MMP16: variants seen among roughly 807,000 people sequenced by gnomAD.
MMP16 encodes the protein matrix metallopeptidase 16.
MMP16 carries 12 observed loss-of-function variants against 67.8 expected under a neutral mutation model. That is an observed-to-expected ratio of 0.18 (90% confidence interval 0.11 to 0.29). The LOEUF is 0.29. Among genes scored for constraint, MMP16 ranks in the 10% least tolerant of loss-of-function variants. The pLI is 1.00. For missense variants in MMP16, 475 were observed against 765.7 expected (o/e 0.62, Z 4.48); for synonymous variants, 249 against 255.9 (o/e 0.97, Z 0.26).
chr8:88,074,670 C>G lies in MMP16; in HGVS notation c.1157G>C (p.Arg386Pro). The G allele has an allele frequency of 6.2e-7, 1 of 1,613,684 alleles. No individual in the cohort carries two copies. The highest frequency in any genetic ancestry group is 1.1e-5 in the South Asian group (1 of 91,070). Reference sequence around the variant, plus strand: ...TGCATCGATACTAGGAGGCAAGCCCCGCCAGAAGTAAGTAATTTGCATTGG... The same window carrying G: ...TGCATCGATACTAGGAGGCAAGCCCGGCCAGAAGTAAGTAATTTGCATTGG... ...GYPMQITYFWRGLPPSIDAVY... is the reference protein window; with the variant it reads ...GYPMQITYFWPGLPPSIDAVY... Residue 386 changes from arginine to proline, a missense_variant, in exon 7 of 10, where the codon CGG becomes CCG. Arg to Pro is a moderately radical substitution (Grantham distance 103). Around this residue, in one of 5 missense-constraint regions of MMP16, gnomAD observed 195 missense variants for 300.9 expected, o/e 0.65. Coordinates refer to ENST00000286614, the MANE Select transcript of MMP16 (RefSeq NM_005941.5).
chr8:88,198,658 A>C (rs2129785030), intron 1 of MMP16, among the ~76,000 whole-genome samples: 1 of 152,192 alleles, frequency 6.6e-6, no homozygotes, highest in Middle Eastern at 3.4e-3. Flanking sequence ...TGGTATTTCC[A>C]AAAACTGACC....
rs189006120 is a variant in MMP16, at chr8:88,181,458, T to C, written c.404+5018A>G. Among the ~76,000 whole-genome samples the C allele has an allele frequency of 5.3e-5, 8 of 151,950 alleles. No individual in the cohort carries two copies. In the East Asian group the frequency reaches 1.5e-3, roughly 29 times the overall value. ...ATTAGCACCAGAAAAGTAAAATACT[T>C]AGAAATAAATCTATCAAAATATGCA... On this transcript the variant is annotated intron_variant, in intron 3 of 9. Transcript: ENST00000286614.
chr8:88,141,649 A>C (rs1179487801), intron 4 of MMP16, among the ~76,000 whole-genome samples: 1 of 152,208 alleles, frequency 6.6e-6, no homozygotes, highest in African/African-American at 2.4e-5. Context: ...TATGGCACTT[A>C]ACAGAATTTG....
intron 1 of MMP16, among the ~76,000 whole-genome samples, chr8:88,285,986 TTAC>T (rs1810824535): frequency 6.6e-6 from 1 of 152,212 alleles, no homozygotes; most frequent in Non-Finnish European, 1.5e-5. Context: ...CACTAACCTC[TTAC>T]TCCTAACCCA....
At chr8:88,186,624 AAAGC>A (rs1809078804) in intron 2 of MMP16, 26 bp from the exon 3 acceptor site, 2 of 1,531,876 alleles carry the variant, frequency 1.3e-6, no homozygotes, top group South Asian at 2.5e-5. Flanking sequence ...AAAAAAAAAA[AAAGC>A]AGTATTTTCC....
At chr8:88,211,070 G>C (rs1031537469) in intron 1 of MMP16, among the ~76,000 whole-genome samples, 2 of 152,062 alleles carry the variant, frequency 1.3e-5, no homozygotes, top group African/African-American at 4.8e-5. Flanking sequence ...TTGTAACTTT[G>C]AAACAGCTCT....
chr8:88,154,957 C>G (rs146214298), intron 4 of MMP16, among the ~76,000 whole-genome samples: 49 of 151,278 alleles, frequency 3.2e-4, no homozygotes, highest in African/African-American at 7.7e-4. Context: ...CAGTATAGAT[C>G]ATTAATATTT....
chr8:88,294,463 T>C (rs1445602409), intron 1 of MMP16, among the ~76,000 whole-genome samples: 4 of 151,510 alleles, frequency 2.6e-5, no homozygotes, highest in African/African-American at 9.7e-5. Context: ...TATGCATGTC[T>C]CTGTACACAC....
chr8:88,105,606 T>G (rs1809224040), intron 6 of MMP16, among the ~76,000 whole-genome samples: 1 of 151,432 alleles, frequency 6.6e-6, no homozygotes, highest in African/African-American at 2.4e-5. Flanking sequence ...TGCCCCACCA[T>G]CTCCCTGTCA....
At chr8:88,105,785 G>C (rs988673468) in intron 6 of MMP16, among the ~76,000 whole-genome samples, 8 of 151,122 alleles carry the variant, frequency 5.3e-5, no homozygotes, top group African/African-American at 1.2e-4. Context: ...TAAAGACACA[G>C]ATGCATCATT....
At chr8:88,207,464 G>A (rs756921623) in intron 1 of MMP16, among the ~76,000 whole-genome samples, 1 of 152,098 alleles carries the variant, frequency 6.6e-6, no homozygotes, top group Non-Finnish European at 1.5e-5. Context: ...CAGTTCTCAC[G>A]TATTTTTATT....
At chr8:88,290,624 C>A (rs1160308560) in intron 1 of MMP16, among the ~76,000 whole-genome samples, 1 of 152,090 alleles carries the variant, frequency 6.6e-6, no homozygotes, top group South Asian at 2.1e-4. Context: ...GTTGCCTAAG[C>A]TGGAGTGCAG....
chr8:88,082,140 T>C (rs1285938117), intron 6 of MMP16, among the ~76,000 whole-genome samples: 2 of 151,802 alleles, frequency 1.3e-5, no homozygotes, highest in Non-Finnish European at 2.9e-5. Flanking sequence ...ACGTGAACAG[T>C]TTATACAAAC....
At chr8:88,082,473 A>C (rs1808768082) in intron 6 of MMP16, among the ~76,000 whole-genome samples, 1 of 152,156 alleles carries the variant, frequency 6.6e-6, no homozygotes, top group Non-Finnish European at 1.5e-5. Flanking sequence ...AATACATTAC[A>C]AAATCATATG....
intron 8 of MMP16, among the ~76,000 whole-genome samples, chr8:88,048,005 TGA>T (rs2118203575): frequency 6.6e-6 from 1 of 152,192 alleles, no homozygotes; most frequent in East Asian, 1.9e-4. Context: ...ATGTGGGATG[TGA>T]AAGAGAAGGA....
chr8:88,217,801 G>A (rs1336899390), intron 1 of MMP16, among the ~76,000 whole-genome samples: 1 of 151,934 alleles, frequency 6.6e-6, no homozygotes. Context: ...TAACATATTT[G>A]AACATTACAT....
At chr8:88,046,611 G>T in intron 9 of MMP16, 58 bp downstream of exon 9, 1 of 1,079,628 alleles carries the variant, frequency 9.3e-7, no homozygotes, top group Non-Finnish European at 1.4e-6. Context: ...GAGTGAAAAA[G>T]CCTAATGTGT....
intron 2 of MMP16, 67 bp downstream of exon 2, chr8:88,197,089 TAA>T (rs1239821889): frequency 6.7e-7 from 1 of 1,485,904 alleles, no homozygotes; most frequent in African/African-American, 1.4e-5. Flanking sequence ...GGAGTTCATA[TAA>T]AGTTTTCCAG....
At chr8:88,069,343 T>C (rs1430791283) in intron 7 of MMP16, 1 of 404,604 alleles carries the variant, frequency 2.5e-6, no homozygotes, top group South Asian at 1.9e-5. Context: ...CCTTTTATTT[T>C]AAATTTTCAA....
Sources: allele counts gnomAD v4.1 joint callset (sites outside exome capture counted in the v4.1 genomes callset), GRCh38; gene constraint gnomAD v4.1.1; regional missense constraint gnomAD v4.1.1; transcripts MANE v1.5; gene names NCBI Gene and HGNC (gene_info 2026-07-23, HGNC 2026-07-21).